Variants in KLHDC10 observed in about 807,000 individuals in gnomAD.
The protein encoded by KLHDC10 is kelch domain containing 10.
A neutral mutation model predicts 56.1 loss-of-function variants in KLHDC10; 24 were observed. The ratio of observed to expected loss-of-function variants is 0.43; its 90% confidence interval spans 0.31 to 0.60. KLHDC10 has a LOEUF of 0.60. Ranked by LOEUF, KLHDC10 falls within the 20% of genes least tolerant of loss-of-function variation. The probability of loss-of-function intolerance (pLI) is 0.11; values close to 1 mark genes in which losing one functional copy is unlikely to be tolerated. For missense variants in KLHDC10, 349 were observed against 567.0 expected (o/e 0.62, Z 3.91); for synonymous variants, 188 against 207.1 (o/e 0.91, Z 0.79).
intron 1 of KLHDC10, among the ~76,000 whole-genome samples, chr7:130,079,031 T>C (rs1584617572): frequency 6.6e-6 from 1 of 152,264 alleles, no homozygotes; most frequent in African/African-American, 2.4e-5. Context: ...TTACTGTTTT[T>C]TTAAAGTTTT....
chr7:130,110,501 T>C (rs2116892734), intron 2 of KLHDC10, among the ~76,000 whole-genome samples: 1 of 152,326 alleles, frequency 6.6e-6, no homozygotes, highest in East Asian at 1.9e-4. Context: ...GAGATGCTTA[T>C]ATAACCAACA....
At chr7:130,081,065 C>G (rs1188734535) in intron 1 of KLHDC10, among the ~76,000 whole-genome samples, 1 of 139,802 alleles carries the variant, frequency 7.2e-6, no homozygotes, top group African/African-American at 2.7e-5. Context: ...GTGGCGTGAT[C>G]TTGGCTCACT....
intron 3 of KLHDC10, among the ~76,000 whole-genome samples, chr7:130,117,054 A>G (rs182477111): frequency 6.6e-6 from 1 of 152,368 alleles, no homozygotes; most frequent in East Asian, 1.9e-4. Flanking sequence ...AAAATAAAGC[A>G]AGTCACACAA....
At chr7:130,115,714 CAAAAAAAAA>C (rs11451164) in intron 2 of KLHDC10, among the ~76,000 whole-genome samples, 3 of 100,278 alleles carry the variant, frequency 3.0e-5, no homozygotes, top group Non-Finnish European at 5.6e-5. Context: ...GACTTGGTCT[CAAAAAAAAA>C]AAAAAAAAAA....
At chr7:130,099,585 A>G (rs1795901464) in intron 2 of KLHDC10, among the ~76,000 whole-genome samples, 1 of 152,156 alleles carries the variant, frequency 6.6e-6, no homozygotes, top group South Asian at 2.1e-4. Context: ...GGATCCTCTC[A>G]AACCATGGGG....
At chr7:130,104,529 A>C (rs1211888430) in intron 2 of KLHDC10, among the ~76,000 whole-genome samples, 1 of 152,208 alleles carries the variant, frequency 6.6e-6, no homozygotes, top group Non-Finnish European at 1.5e-5. Flanking sequence ...AATGTATGTA[A>C]GAGGCTTAAG....
intron 1 of KLHDC10, among the ~76,000 whole-genome samples, chr7:130,086,873 T>G (rs1795698477): frequency 6.6e-6 from 1 of 152,234 alleles, no homozygotes; most frequent in Non-Finnish European, 1.5e-5. Context: ...TTGTAGAACT[T>G]AAAAACTCAC....
chr7:130,115,303 G>A (rs7805667), intron 2 of KLHDC10, among the ~76,000 whole-genome samples: 24,427 of 152,108 alleles, frequency 0.16, 2,337 homozygotes, highest in East Asian at 0.31. Flanking sequence ...CTTTGGTTCT[G>A]AAGTTGGGCA....
At chr7:130,096,301 T>G (rs1795846798) in intron 1 of KLHDC10, among the ~76,000 whole-genome samples, 2 of 152,124 alleles carry the variant, frequency 1.3e-5, no homozygotes, top group African/African-American at 4.8e-5. Context: ...GAAAACATAT[T>G]TTAATTGGGG....
intron 1 of KLHDC10, among the ~76,000 whole-genome samples, chr7:130,078,268 G>T (rs935205895): frequency 1.3e-5 from 2 of 151,918 alleles, no homozygotes; most frequent in Non-Finnish European, 2.9e-5. Flanking sequence ...CAGCTGCTCA[G>T]GAGGCTGAGG....
chr7:130,130,480 C>A lies in KLHDC10; in HGVS notation c.1120-57C>A. ...CTACTATGCTTTTTCCCCACTGAGT[C>A]TTCAGCCTTGTATGTTTCTCTCCCG... On this transcript the variant is annotated intron_variant, in intron 9 of 9. Coordinates refer to ENST00000335420, the MANE Select transcript of KLHDC10 (RefSeq NM_014997.4). The surrounding 1 kb of genome is among the most constrained non-coding windows in gnomAD (Gnocchi z 4.2). The A allele has an allele frequency of 7.1e-7, 1 of 1,416,900 alleles. No homozygotes were observed. The highest frequency in any genetic ancestry group is 1.2e-5 in the South Asian group (1 of 86,732). 87.8% of individuals were successfully genotyped at this position (1,416,900 alleles called of 1,614,324 possible). A position where few individuals can be genotyped will look rare whatever the true frequency, so the allele number is the denominator to read the frequency against.
chr7:130,122,662 A>T (rs577899198), intron 5 of KLHDC10, among the ~76,000 whole-genome samples: 1 of 152,254 alleles, frequency 6.6e-6, no homozygotes, highest in African/African-American at 2.4e-5. Flanking sequence ...GCATTCTCCC[A>T]TCTCAGCCCT....
At chr7:130,081,477 C>T (rs1306600205) in intron 1 of KLHDC10, among the ~76,000 whole-genome samples, 1 of 152,058 alleles carries the variant, frequency 6.6e-6, no homozygotes, top group Non-Finnish European at 1.5e-5. Flanking sequence ...CGCTGCCACG[C>T]CCCACTAATT....
chr7:130,128,290 T>C (rs1796340124), intron 8 of KLHDC10, among the ~76,000 whole-genome samples: 1 of 152,256 alleles, frequency 6.6e-6, no homozygotes, highest in Non-Finnish European at 1.5e-5. Context: ...AGCTTAAGTA[T>C]TGGCTTAAAC....
chr7:130,087,539 T>C lies in KLHDC10; in HGVS notation c.167-9382T>C, dbSNP rs180812257. 1.4e-3 allele frequency among the ~76,000 whole-genome samples: 213 copies of C among 152,298 alleles called. 1 individual carries two copies. The highest frequency in any genetic ancestry group is 5.0e-3 in the African/African-American group (206 of 41,572). On this transcript the variant is annotated intron_variant, in intron 1 of 9. Coordinates refer to ENST00000335420, the MANE Select transcript of KLHDC10 (RefSeq NM_014997.4). ...TATTATGACTCACAAAAAAATGAGA[T>C]AAGTGATCTTTGGAGTTGAATGGTG...
intron 1 of KLHDC10, among the ~76,000 whole-genome samples, chr7:130,090,703 C>T (rs1201017520): frequency 1.3e-5 from 2 of 151,878 alleles, no homozygotes; most frequent in South Asian, 2.1e-4. Context: ...AATAACACAA[C>T]TAGGAAATTG....
chr7:130,079,865 C>T (rs1448542275), intron 1 of KLHDC10, among the ~76,000 whole-genome samples: 1 of 138,304 alleles, frequency 7.2e-6, no homozygotes. Context: ...TCCCTTCCTC[C>T]CTTTCTTCCT....
intron 7 of KLHDC10, 57 bp downstream of exon 7, chr7:130,125,988 C>A (rs1796310959): frequency 7.8e-7 from 1 of 1,279,996 alleles, no homozygotes; most frequent in Non-Finnish European, 1.1e-6. Context: ...TACTTTTACT[C>A]ATTTTGGAAG....
chr7:130,108,206 C>A (rs553445269), intron 2 of KLHDC10, among the ~76,000 whole-genome samples: 2 of 151,718 alleles, frequency 1.3e-5, no homozygotes, highest in African/African-American at 2.4e-5. Flanking sequence ...CCAGCCTGGG[C>A]GACAGAGCGA....
Sources: allele counts gnomAD v4.1 joint callset (sites outside exome capture counted in the v4.1 genomes callset), GRCh38; gene constraint gnomAD v4.1.1; non-coding constraint Gnocchi (gnomAD v3.1); transcripts MANE v1.5; gene names NCBI Gene and HGNC (gene_info 2026-07-23, HGNC 2026-07-21).